Variants in PCGF5 observed in about 807,000 individuals in gnomAD.
PCGF5 encodes polycomb group ring finger 5.
In PCGF5, 9 loss-of-function variants were observed where a neutral mutation model predicts 44.3. The observed-to-expected ratio is 0.20, with a 90% CI of 0.12 to 0.35. PCGF5 has a LOEUF of 0.35. PCGF5 is among the 10% of genes least tolerant of loss of function. PCGF5 has a pLI of 1.00. For missense variants in PCGF5, 146 were observed against 305.3 expected, an observed-to-expected ratio of 0.48 and a Z score of 3.89; for synonymous variants, 95 against 102.5, an observed-to-expected ratio of 0.93 and a Z score of 0.44.
chr10:91,256,433 C>T (rs1326266447), intron 6 of PCGF5, among the ~76,000 whole-genome samples: 1 of 151,908 alleles, frequency 6.6e-6, no homozygotes. Context: ...TGAACAGGTC[C>T]TCAGAGAGCT....
At chr10:91,227,377 C>T in intron 2 of PCGF5, 1 of 1,274,118 alleles carries the variant, frequency 7.8e-7, no homozygotes, top group Non-Finnish European at 1.0e-6. Context: ...TGTCCTGAAG[C>T]CACCTGAAAC....
chr10:91,158,269 T>C (rs1843343813), upstream of PCGF5, among the ~76,000 whole-genome samples: 1 of 152,218 alleles, frequency 6.6e-6, no homozygotes, highest in Non-Finnish European at 1.5e-5. Flanking sequence ...CTTCTTAAAA[T>C]ACTGCCTGGC....
At position 91,222,940 on chromosome 10, in the gene PCGF5, G is replaced by A. The variant is rs1200240083; in HGVS notation, c.69G>A (p.Gly23=). 6.2e-7 allele frequency: 1 copy of A among 1,613,204 alleles called. No individual in the cohort carries two copies. The highest frequency in any genetic ancestry group is 2.2e-5 in the East Asian group (1 of 44,874). Residue 23 remains glycine (G), a synonymous_variant, in exon 2 of 10, where the codon GGG becomes GGA. Coordinates refer to ENST00000336126, the MANE Select transcript of PCGF5 (RefSeq NM_032373.5). ...ACATTACCTGCTATATCTGTAAAGG[G>A]TATCTGATCAAGCCAACAACAGTGA... The part of the protein sequence containing the change: ...NPYITCYICK[G]YLIKPTTVTE...
rs1270476796 is a variant in PCGF5, at chr10:91,280,064, GT to G, written c.*1753del. ...TACTTTAACTTTGTTTTGTTACATT[GT>G]TTTTGTTCTTGGAATGGCTCACAAG... On this transcript the variant is annotated 3_prime_UTR_variant, in exon 10 of 10. Coordinates refer to ENST00000336126, the MANE Select transcript of PCGF5 (RefSeq NM_032373.5). The G allele has an allele frequency of 2.0e-5, 3 of 151,798 alleles. No individual in the cohort carries two copies. The highest frequency in any genetic ancestry group is 7.2e-5 in the African/African-American group (3 of 41,382). 9.4% of individuals were successfully genotyped at this position (151,798 alleles called of 1,614,324 possible).
intron 1 of PCGF5, among the ~76,000 whole-genome samples, chr10:91,178,612 A>G (rs948907423): frequency 6.6e-6 from 1 of 151,330 alleles, no homozygotes; most frequent in African/African-American, 2.4e-5. Context: ...CTGGTCTCAA[A>G]CCCCTGGGCC....
chr10:91,233,554 CAT>C (rs1413951898), intron 2 of PCGF5, among the ~76,000 whole-genome samples: 1 of 152,008 alleles, frequency 6.6e-6, no homozygotes, highest in Non-Finnish European at 1.5e-5. Context: ...TATATATACA[CAT>C]ATACATACAT....
At chr10:91,234,488 ACTAGGGTAGAAATGG>A (rs1002855643) in intron 2 of PCGF5, among the ~76,000 whole-genome samples, 6 of 152,214 alleles carry the variant, frequency 3.9e-5, no homozygotes, top group East Asian at 1.9e-4. Context: ...CAAGACTATC[ACTAGGGTAGAAATGG>A]CTAGGGTAGA....
chr10:91,197,287 G>A (rs1312787312), intron 1 of PCGF5, among the ~76,000 whole-genome samples: 1 of 152,112 alleles, frequency 6.6e-6, no homozygotes, highest in Non-Finnish European at 1.5e-5. Context: ...TCATGTCCTG[G>A]GTCTAGTCTG....
intron 5 of PCGF5, among the ~76,000 whole-genome samples, 153 bp downstream of exon 5, chr10:91,248,877 T>G (rs1845544604): frequency 6.6e-6 from 1 of 152,098 alleles, no homozygotes; most frequent in South Asian, 2.1e-4. Flanking sequence ...TTTCTCTATA[T>G]GAGATTTTAT....
intron 8 of PCGF5, among the ~76,000 whole-genome samples, chr10:91,265,116 G>T (rs1846018845): frequency 6.6e-6 from 1 of 152,126 alleles, no homozygotes; most frequent in Admixed American, 6.6e-5. Context: ...CCCAAAAGGT[G>T]AATTTTGTAT....
rs72815431 is a variant in PCGF5, at chr10:91,271,396, G to A, written c.664-242G>A. 3.3e-3 allele frequency among the ~76,000 whole-genome samples: 508 copies of A among 152,140 alleles called. 3 individuals carry two copies. The highest frequency in any genetic ancestry group is 5.9e-3 in the Non-Finnish European group (404 of 67,980). ...ATGGAAAGGAGAGGCCACCATTTTT[G>A]CATTTGCAGAATATTAAACAAAACT... On this transcript the variant is annotated intron_variant, in intron 8 of 9. Transcript: ENST00000336126.
chr10:91,232,135 A>T (rs1179641858), intron 2 of PCGF5, among the ~76,000 whole-genome samples: 1 of 152,162 alleles, frequency 6.6e-6, no homozygotes, highest in African/African-American at 2.4e-5. Flanking sequence ...CAAAGTAAAC[A>T]CATAGTGTTG....
intron 2 of PCGF5, among the ~76,000 whole-genome samples, chr10:91,225,983 G>A (rs1844823929): frequency 6.6e-6 from 1 of 152,042 alleles, no homozygotes; most frequent in South Asian, 2.1e-4. Flanking sequence ...AAGGCAGAAA[G>A]TGAGAAATGT....
intron 1 of PCGF5, among the ~76,000 whole-genome samples, chr10:91,173,964 G>C (rs765758633): frequency 1.3e-5 from 2 of 151,842 alleles, no homozygotes; most frequent in African/African-American, 2.4e-5. Flanking sequence ...CAGTATTGAT[G>C]ATGATTTTGG....
intron 9 of PCGF5, among the ~76,000 whole-genome samples, chr10:91,274,062 G>C (rs771510112): frequency 2.0e-5 from 3 of 151,580 alleles, no homozygotes; most frequent in Non-Finnish European, 2.9e-5. Context: ...CACATTTTTT[G>C]CCTCCTCTTC....
intron 8 of PCGF5, among the ~76,000 whole-genome samples, chr10:91,266,960 G>A (rs537858780): frequency 6.6e-6 from 1 of 152,140 alleles, no homozygotes; most frequent in Non-Finnish European, 1.5e-5. Flanking sequence ...AGCAGCCAGC[G>A]TGATCCTCTT....
At chr10:91,271,809 C>A in intron 9 of PCGF5, 112 bp downstream of exon 9, 1 of 812,566 alleles carries the variant, frequency 1.2e-6, no homozygotes, top group Non-Finnish European at 2.0e-6. Flanking sequence ...GTTACTGGAG[C>A]TACAAAAACT....
intron 6 of PCGF5, among the ~76,000 whole-genome samples, chr10:91,261,106 A>G (rs2133413582): frequency 6.6e-6 from 1 of 152,206 alleles, no homozygotes; most frequent in Non-Finnish European, 1.5e-5. Context: ...TTTTCCTAGT[A>G]CACATGATAA....
chr10:91,226,683 G>C (rs1844849702), intron 2 of PCGF5, among the ~76,000 whole-genome samples: 1 of 152,022 alleles, frequency 6.6e-6, no homozygotes, highest in African/African-American at 2.4e-5. Context: ...CCCTGTAGAA[G>C]TAGGTAGATA....
Sources: allele counts gnomAD v4.1 joint callset (sites outside exome capture counted in the v4.1 genomes callset), GRCh38; gene constraint gnomAD v4.1.1; transcripts MANE v1.5; gene names NCBI Gene and HGNC (gene_info 2026-07-23, HGNC 2026-07-21).